The following SBF2 variants were observed in gnomAD, a reference collection of about 807,000 sequenced individuals.
SBF2 encodes the protein SET binding factor 2, also known as myotubularin-related protein 13.
SBF2 carries 112 observed loss-of-function variants against 225.2 expected under a neutral mutation model. That is an observed-to-expected ratio of 0.50 (90% confidence interval 0.43 to 0.58). SBF2 has a LOEUF of 0.58. Ranked by LOEUF, SBF2 falls within the 20% of genes least tolerant of loss-of-function variation. SBF2 has a pLI of 0.00. For synonymous variants in SBF2, 763 were observed against 773.3 expected, an observed-to-expected ratio of 0.99 and a Z score of 0.22; for missense variants, 1,996 against 2,206.2, an observed-to-expected ratio of 0.90 and a Z score of 1.91.
intron 2 of SBF2, among the ~76,000 whole-genome samples, chr11:10,117,577 T>C (rs764878614): frequency 3.3e-5 from 5 of 152,122 alleles, no homozygotes; most frequent in Non-Finnish European, 7.4e-5. Context: ...TCCACTGACA[T>C]TCCTCTTTCC....
At chr11:9,910,125 A>C (rs1029679455) in intron 16 of SBF2, among the ~76,000 whole-genome samples, 1 of 152,218 alleles carries the variant, frequency 6.6e-6, no homozygotes, top group African/African-American at 2.4e-5. Flanking sequence ...AAAAAGACTA[A>C]TAAATTCAAC....
chr11:10,139,149 AT>A (rs1954527739), intron 2 of SBF2, among the ~76,000 whole-genome samples: 1 of 152,196 alleles, frequency 6.6e-6, no homozygotes, highest in Non-Finnish European at 1.5e-5. Flanking sequence ...AGTGTGTATT[AT>A]TTTTAGTTTA....
chr11:10,154,233 T>A (rs1955360344), intron 2 of SBF2, among the ~76,000 whole-genome samples: 1 of 152,256 alleles, frequency 6.6e-6, no homozygotes, highest in Middle Eastern at 3.4e-3. Flanking sequence ...TAAATTGATC[T>A]TTTATCTTGC....
At chr11:10,210,385 A>G (rs1282509809) in intron 1 of SBF2, among the ~76,000 whole-genome samples, 1 of 151,126 alleles carries the variant, frequency 6.6e-6, no homozygotes, top group African/African-American at 2.4e-5. Flanking sequence ...AGGAGGAGGA[A>G]GAGAAGGAGG....
intron 16 of SBF2, among the ~76,000 whole-genome samples, chr11:9,926,988 A>G (rs1864105768): frequency 6.6e-6 from 1 of 152,122 alleles, no homozygotes; most frequent in African/African-American, 2.4e-5. Context: ...AAAATGTATA[A>G]CTCTCTAGCT....
chr11:10,012,758 T>C (rs1201979586), intron 6 of SBF2, among the ~76,000 whole-genome samples: 1 of 152,188 alleles, frequency 6.6e-6, no homozygotes, highest in Non-Finnish European at 1.5e-5. Context: ...CTGCACTAAA[T>C]TTGAATTATA....
At chr11:10,032,351 T>G (rs1175474201) in intron 3 of SBF2, among the ~76,000 whole-genome samples, 6 of 152,208 alleles carry the variant, frequency 3.9e-5, no homozygotes, top group East Asian at 1.9e-4. Flanking sequence ...TAATCTCTTG[T>G]GTGGATTACT....
chr11:9,950,322 C>T (rs963386827), intron 16 of SBF2, among the ~76,000 whole-genome samples: 8 of 152,120 alleles, frequency 5.3e-5, no homozygotes, highest in Non-Finnish European at 1.0e-4. Context: ...TACAAAGCTG[C>T]CCATTTCACT....
chr11:10,010,080 C>G (rs1948377063), intron 6 of SBF2, among the ~76,000 whole-genome samples: 2 of 152,134 alleles, frequency 1.3e-5, no homozygotes, highest in African/African-American at 4.8e-5. Context: ...ATCTTTCACC[C>G]ACTTTTTGAT....
chr11:9,803,137 A>C (rs1341610188), intron 32 of SBF2, among the ~76,000 whole-genome samples: 1 of 152,180 alleles, frequency 6.6e-6, no homozygotes, highest in Non-Finnish European at 1.5e-5. Context: ...CAAATAATCG[A>C]ACTTTAATTA....
At chr11:9,831,551 G>T (rs192711077) in intron 27 of SBF2, among the ~76,000 whole-genome samples, 1 of 152,270 alleles carries the variant, frequency 6.6e-6, no homozygotes, top group African/African-American at 2.4e-5. Flanking sequence ...TCCCTAAATC[G>T]GATCTGATAT....
chr11:10,251,496 C>A (rs886720980), intron 1 of SBF2, among the ~76,000 whole-genome samples: 2 of 152,142 alleles, frequency 1.3e-5, no homozygotes, highest in African/African-American at 4.8e-5. Flanking sequence ...TGGACAAATC[C>A]ATCAAATGTA....
intron 16 of SBF2, among the ~76,000 whole-genome samples, chr11:9,945,897 G>A (rs1370706246): frequency 2.0e-5 from 3 of 152,006 alleles, no homozygotes; most frequent in Non-Finnish European, 4.4e-5. Flanking sequence ...TCTCACACGA[G>A]TCAGAGTGGA....
chr11:10,169,127 T>C (rs2135238531), intron 2 of SBF2, among the ~76,000 whole-genome samples: 1 of 152,342 alleles, frequency 6.6e-6, no homozygotes, highest in Non-Finnish European at 1.5e-5. Context: ...TAATGCATAA[T>C]AATCAGTAAA....
chr11:9,922,915 G>A (rs1014176883), intron 16 of SBF2, among the ~76,000 whole-genome samples: 1 of 152,166 alleles, frequency 6.6e-6, no homozygotes, highest in Admixed American at 6.5e-5. Flanking sequence ...AGGTTGCCTC[G>A]AGAGACAACA....
At chr11:9,820,774 G>A (rs1312371207) in intron 28 of SBF2, among the ~76,000 whole-genome samples, 2 of 152,180 alleles carry the variant, frequency 1.3e-5, no homozygotes, top group Admixed American at 1.3e-4. Flanking sequence ...AAGATTGTGT[G>A]TGTGAAAGGA....
intron 6 of SBF2, among the ~76,000 whole-genome samples, chr11:10,004,074 A>T (rs1176551785): frequency 1.3e-5 from 2 of 152,128 alleles, no homozygotes; most frequent in Non-Finnish European, 2.9e-5. Flanking sequence ...CAGAATTTTT[A>T]GTTCAGATTT....
At chr11:9,798,489 T>G (rs1326834532) in intron 32 of SBF2, among the ~76,000 whole-genome samples, 2 of 152,180 alleles carry the variant, frequency 1.3e-5, no homozygotes, top group East Asian at 3.8e-4. Context: ...ATCTGCAGTG[T>G]GCTCAGGCAG....
chr11:10,113,600 C>A (rs1289112813), intron 2 of SBF2, among the ~76,000 whole-genome samples: 1 of 151,924 alleles, frequency 6.6e-6, no homozygotes, highest in Non-Finnish European at 1.5e-5. Flanking sequence ...ATGTAGATGG[C>A]AAATAAGCAA....
Sources: gnomAD v4.1 joint callset for allele counts (sites outside exome capture counted in the v4.1 genomes callset) on GRCh38, gnomAD v4.1.1 for gene constraint, MANE v1.5 for transcripts, NCBI Gene and HGNC (gene_info 2026-07-23, HGNC 2026-07-21) for gene names.